Variants in CRX observed in about 807,000 individuals in gnomAD.
CRX encodes cone-rod homeobox protein.
Under a neutral mutation model 13.1 loss-of-function variants are expected in CRX, and 5 were observed. That is an observed-to-expected ratio of 0.38 (90% CI 0.20 to 0.80). The LOEUF (loss-of-function observed/expected upper bound fraction) is 0.80. Ranked by LOEUF, CRX falls within the 30% of genes least tolerant of loss-of-function variation. The probability of loss-of-function intolerance (pLI) is 0.43; values close to 1 mark genes in which losing one functional copy is unlikely to be tolerated. For missense variants in CRX, 351 were observed against 391.8 expected, an observed-to-expected ratio of 0.90 and a Z score of 0.88; for synonymous variants, 179 against 171.1, an observed-to-expected ratio of 1.05 and a Z score of -0.36.
intron 1 of CRX, among the ~76,000 whole-genome samples, chr19:47,830,925 T>C (rs62128763): frequency 0.11 from 16,994 of 152,136 alleles, 1,298 homozygotes; most frequent in Non-Finnish European, 0.16. Context: ...CTGTAACCTT[T>C]GAGGTTACCT....
chr19:47,834,258 A>C (rs951096722), intron 1 of CRX, among the ~76,000 whole-genome samples, 151 bp from the exon 2 acceptor site: 13 of 152,154 alleles, frequency 8.5e-5, no homozygotes, highest in Admixed American at 3.3e-4. Context: ...GCCATTTTAC[A>C]TGTGAGGACA....
At chr19:47,829,668 T>G (rs1315016602) in intron 1 of CRX, among the ~76,000 whole-genome samples, 1 of 151,982 alleles carries the variant, frequency 6.6e-6, no homozygotes, top group Admixed American at 6.6e-5. Context: ...CTTCCTCTAT[T>G]GCCTAGGCTG....
intron 1 of CRX, among the ~76,000 whole-genome samples, chr19:47,830,570 G>A (rs184382981): frequency 6.6e-6 from 1 of 151,978 alleles, no homozygotes; most frequent in Non-Finnish European, 1.5e-5. Flanking sequence ...GCGTGGTGGC[G>A]GGTGCCTGAG....
chr19:47,828,383 A>G (rs1423782529), intron 1 of CRX, among the ~76,000 whole-genome samples: 3 of 152,116 alleles, frequency 2.0e-5, no homozygotes, highest in African/African-American at 4.8e-5. Flanking sequence ...GAAGGAAAGG[A>G]CAGTGAGAGG....
chr19:47,825,746 C>T lies in CRX; in HGVS notation c.-36+3736C>T, dbSNP rs1967967088. Among the ~76,000 whole-genome samples, 3 of 113,026 alleles carry T rather than the reference C, an allele frequency of 2.7e-5. No homozygotes were observed. In the South Asian group the frequency reaches 8.6e-4, roughly 33 times the overall value. The allele number at this position is 113,026 out of a possible 152,430, so 74.1% of individuals were successfully genotyped here. ...ACCAGCCTGGCCAACATGGAGAAAC[C>T]CAATCTCTACTAAAAATACAAAAAA... On this transcript the variant is annotated intron_variant, in intron 1 of 3. Coordinates refer to ENST00000221996, the MANE Select transcript of CRX (RefSeq NM_000554.6).
rs547891649 is a variant in CRX, at chr19:47,832,556, GCT to G, written c.-35-1851_-35-1850del. On this transcript the variant is annotated intron_variant, in intron 1 of 3. Coordinates refer to ENST00000221996, the MANE Select transcript of CRX (RefSeq NM_000554.6). ...GCTGGGGTGTGGTGGCACCATTTTG[GCT>G]CACTACAGCCTCCGCCTCCCAGGTT... is the stretch of plus-strand genomic sequence containing the variant. Among the ~76,000 whole-genome samples, 6 of 151,520 alleles carry G rather than the reference GCT, an allele frequency of 4.0e-5. No homozygotes were observed. In the South Asian group the frequency reaches 1.3e-3, roughly 32 times the overall value.
chr19:47,828,893 AACACAC>A (rs59471457), intron 1 of CRX, among the ~76,000 whole-genome samples: 38,647 of 133,760 alleles, frequency 0.29, 5,601 homozygotes, highest in Middle Eastern at 0.4. Context: ...TTTTGACAAG[AACACAC>A]ACACACACAC....
chr19:47,836,068 T>G (rs971537413), intron 2 of CRX, among the ~76,000 whole-genome samples, 175 bp from the exon 3 acceptor site: 1 of 152,190 alleles, frequency 6.6e-6, no homozygotes, highest in Non-Finnish European at 1.5e-5. Context: ...GGGTCAGGCA[T>G]GAGCCACAGA....
chr19:47,835,148 C>G (rs556693277), intron 2 of CRX, among the ~76,000 whole-genome samples: 57 of 152,248 alleles, frequency 3.7e-4, no homozygotes, highest in African/African-American at 1.3e-3. Flanking sequence ...GTGCACGCCA[C>G]CATGCCTGGC....
At chr19:47,833,875 G>A (rs1968084707) in intron 1 of CRX, among the ~76,000 whole-genome samples, 1 of 151,912 alleles carries the variant, frequency 6.6e-6, no homozygotes, top group Admixed American at 6.6e-5. Context: ...GAGTGCAATG[G>A]CCTGAACACA....
At chr19:47,834,674 C>A in intron 2 of CRX, 131 bp downstream of exon 2, 1 of 696,574 alleles carries the variant, frequency 1.4e-6, no homozygotes, top group Non-Finnish European at 2.6e-6. Context: ...CCTCTGGGTT[C>A]ATCTGAAATG....
Position 47,839,866 on chromosome 19 carries a change from T to G in CRX, c.799T>G (p.Leu267Val). The G allele has an allele frequency of 1.9e-6, 3 of 1,614,084 alleles. No homozygotes were observed. Among genetic ancestry groups the G allele is most frequent in the Middle Eastern group, 1.6e-4 (1 of 6,062 alleles). ...SYGAYSPVDS[L>V]EFKDPTGTWK... ...TGGCGCCTACAGCCCCGTGGATAGC[T>G]TGGAATTCAAGGACCCCACGGGCAC... Residue 267 changes from leucine (L) to valine (V), a missense_variant, in exon 4 of 4, where the codon TTG (leucine) becomes GTG (valine). Around this residue, in one of 3 missense-constraint regions of CRX, gnomAD observed 253 missense variants for 268.3 expected, o/e 0.94. Transcript: ENST00000221996. This position sits in a 1 kb window ranked among gnomAD's most constrained non-coding sequence, Gnocchi z 4.6.
chr19:47,822,612 G>A (rs1377545828), intron 1 of CRX, among the ~76,000 whole-genome samples: 2 of 152,190 alleles, frequency 1.3e-5, no homozygotes, highest in Non-Finnish European at 2.9e-5. Flanking sequence ...GGGCCTGCCC[G>A]AGAGAGCCAG....
At chr19:47,824,669 A>G (rs1326599448) in intron 1 of CRX, among the ~76,000 whole-genome samples, 2 of 152,068 alleles carry the variant, frequency 1.3e-5, no homozygotes, top group Admixed American at 6.6e-5. Context: ...AGTTATCTGC[A>G]TGTCTGCCCC....
Position 47,842,059 on chromosome 19 carries a change from G to A in CRX, c.*2092G>A, listed in dbSNP as rs1045810406. On this transcript the variant is annotated 3_prime_UTR_variant, in exon 4 of 4. Transcript: ENST00000221996. ...GAGATAGGGCACAATATATGCTTAC[G>A]AGTTGGTACACACCGTCAGCAGCAG... The A allele has an allele frequency of 6.6e-6, 1 of 152,280 alleles. No individual in the cohort carries two copies. Among genetic ancestry groups the A allele is most frequent in the Admixed American group, 6.6e-5 (1 of 15,262 alleles). The allele number at this position is 152,280 out of a possible 1,614,324, so 9.4% of individuals were successfully genotyped here.
chr19:47,834,782 A>G (rs1279672526), intron 2 of CRX, among the ~76,000 whole-genome samples: 1 of 152,184 alleles, frequency 6.6e-6, no homozygotes, highest in Non-Finnish European at 1.5e-5. Flanking sequence ...GGGAATCAAG[A>G]GGAATTTTCA....
At chr19:47,836,427 A>G (rs746298511) in intron 3 of CRX, 33 bp downstream of exon 3, 3 of 1,614,046 alleles carry the variant, frequency 1.9e-6, no homozygotes, top group East Asian at 4.5e-5. Context: ...CCCTCCCGAC[A>G]CTTCCTGTGA....
At chr19:47,837,456 C>G (rs889994988) in intron 3 of CRX, among the ~76,000 whole-genome samples, 1 of 152,150 alleles carries the variant, frequency 6.6e-6, no homozygotes, top group African/African-American at 2.4e-5. Flanking sequence ...CGTGAGCCAC[C>G]GCGCCCGGCC....
At position 47,840,264 on chromosome 19, in the gene CRX, G is replaced by T; in HGVS notation, c.*297G>T. ...TCCAGGCTTCAGAAAGTGGTGCTGA[G>T]AACTTGCTCCAAGAAGAAGTCAAAC... On this transcript the variant is annotated 3_prime_UTR_variant, in exon 4 of 4. Transcript: ENST00000221996. The T allele has an allele frequency of 4.9e-6, 2 of 405,112 alleles. No homozygotes were observed. The highest frequency in any genetic ancestry group is 4.5e-6 in the Non-Finnish European group (1 of 220,978). The allele number at this position is 405,112 out of a possible 1,614,324, so 25.1% of individuals were successfully genotyped here.
Sources: allele counts gnomAD v4.1 joint callset (sites outside exome capture counted in the v4.1 genomes callset), GRCh38; gene constraint gnomAD v4.1.1; regional missense constraint gnomAD v4.1.1; non-coding constraint Gnocchi (gnomAD v3.1); transcripts MANE v1.5; gene names NCBI Gene and HGNC (gene_info 2026-07-23, HGNC 2026-07-21).